SNX14: variants seen among roughly 807,000 people sequenced by gnomAD.
The protein encoded by SNX14 is sorting nexin 14.
In SNX14, 93 loss-of-function variants were observed where a neutral mutation model predicts 133.8. The ratio of observed to expected loss-of-function variants is 0.70; its 90% confidence interval spans 0.59 to 0.83. The LOEUF is 0.83. Among genes scored for constraint, SNX14 ranks in the 40% least tolerant of loss-of-function variants. The pLI is 0.00. For missense variants in SNX14, 945 were observed against 1,094.9 expected, an observed-to-expected ratio of 0.86 and a Z score of 1.93; for synonymous variants, 368 against 365.6, an observed-to-expected ratio of 1.01 and a Z score of -0.07.
At position 85,514,585 on chromosome 6, in the gene SNX14, A is replaced by G. The variant is rs1327907806; in HGVS notation, c.2313T>C (p.Asn771=). The G allele has an allele frequency of 6.2e-7, 1 of 1,613,092 alleles. No individual in the cohort carries two copies. Among genetic ancestry groups the G allele is most frequent in the East Asian group, 2.2e-5 (1 of 44,734 alleles). The change falls in exon 24 of 29, where the codon AAT becomes AAC. Residue 771 remains asparagine (N), a synonymous_variant. Transcript: ENST00000314673. ...LFKNNANRAE[N]TERKQNQNYF... is the part of the protein sequence containing the mutation. ...AATTCTGATTTTGCTTTCTCTCTGT[A>G]TTTTCAGCACGGTTTGCATTATTTT...
rs775110435 is a variant in SNX14, at chr6:85,518,016, T to C, written c.2140A>G (p.Met714Val). The C allele has an allele frequency of 2.7e-5, 43 of 1,605,030 alleles. No individual in the cohort carries two copies. The highest frequency in any genetic ancestry group is 3.5e-5 in the Non-Finnish European group (41 of 1,174,902). The change falls in exon 22 of 29, where the codon ATG (methionine) becomes GTG (valine). Residue 714 changes from methionine to valine, a missense_variant. Around this residue, in one of 3 missense-constraint regions of SNX14, gnomAD observed 412 missense variants for 516.6 expected, o/e 0.80. Transcript: ENST00000314673. Reference protein sequence around the residue: ...KIIKSVPGKLMKEKGQHLEPF... With the variant: ...KIIKSVPGKLVKEKGQHLEPF... ...ATAAATCAGTTACTCACCTCTTTCA[T>C]TAGTTTTCCAGGAACAGATTTTATA...
At chr6:85,515,182 G>T (rs983737496) in intron 23 of SNX14, among the ~76,000 whole-genome samples, 1 of 138,880 alleles carries the variant, frequency 7.2e-6, no homozygotes, top group Non-Finnish European at 1.5e-5. Flanking sequence ...CAGGAGAATA[G>T]TTTGAACCTG....
Position 85,507,965 on chromosome 6 carries a change from T to TA in SNX14, c.2745+2dup. 6.2e-7 allele frequency: 1 copy of TA among 1,612,606 alleles called. No homozygotes were observed. The highest frequency in any genetic ancestry group is 8.5e-7 in the Non-Finnish European group (1 of 1,179,076). The stretch of plus-strand genomic sequence containing the variant: ...TGAGTTTACGAGCTTTAATGAGCTT[T>TA]ACCTGCTTGTTGAGTACTGGTTGCT... On this transcript the variant is annotated splice_region_variant and intron_variant, in intron 27 of 28. Transcript: ENST00000314673.
chr6:85,556,364 A>G (rs1410567925), intron 7 of SNX14, among the ~76,000 whole-genome samples: 1 of 152,148 alleles, frequency 6.6e-6, no homozygotes, highest in East Asian at 1.9e-4. Context: ...AAGATGTTGA[A>G]ACCAGCCTGA....
chr6:85,519,111 T>C (rs551792268), intron 21 of SNX14, among the ~76,000 whole-genome samples: 63 of 152,290 alleles, frequency 4.1e-4, no homozygotes, highest in Middle Eastern at 3.4e-3. Flanking sequence ...CAATCAAACC[T>C]AGTCAGTAAC....
At chr6:85,550,344 C>T (rs1299156516) in intron 7 of SNX14, among the ~76,000 whole-genome samples, 4 of 152,134 alleles carry the variant, frequency 2.6e-5, no homozygotes, top group African/African-American at 9.7e-5. Flanking sequence ...TACGCCTCTA[C>T]AAGTTATATA....
At chr6:85,524,666 C>T (rs4707212) in intron 21 of SNX14, among the ~76,000 whole-genome samples, 70,263 of 151,698 alleles carry the variant, frequency 0.46, 17,685 homozygotes, top group Middle Eastern at 0.59. Flanking sequence ...CACCTGTAAT[C>T]CCAGCTACTT....
At chr6:85,572,791 T>C (rs1583036185) in intron 2 of SNX14, among the ~76,000 whole-genome samples, 1 of 151,990 alleles carries the variant, frequency 6.6e-6, no homozygotes, top group South Asian at 2.1e-4. Context: ...ACCCTGTCTC[T>C]ACAAAAAAAA....
chr6:85,586,315 G>A lies in SNX14; in HGVS notation c.140+7264C>T, dbSNP rs78500244. 2.0e-5 allele frequency among the ~76,000 whole-genome samples: 3 copies of A among 152,044 alleles called. No individual in the cohort carries two copies. In the East Asian group the frequency reaches 5.8e-4, roughly 29 times the overall value. On this transcript the variant is annotated intron_variant, in intron 1 of 28. Coordinates refer to ENST00000314673, the MANE Select transcript of SNX14 (RefSeq NM_153816.6). The stretch of plus-strand genomic sequence containing the variant: ...AGAATAAGCAACAGAGACTTAGCAT[G>A]GTATACAAAGCCTAAAATATTTACT...
At chr6:85,586,001 A>C (rs1039180471) in intron 1 of SNX14, among the ~76,000 whole-genome samples, 7 of 152,054 alleles carry the variant, frequency 4.6e-5, no homozygotes, top group African/African-American at 1.7e-4. Context: ...AAAAAAAAAA[A>C]AAAAAAACTA....
intron 2 of SNX14, among the ~76,000 whole-genome samples, chr6:85,573,179 C>A (rs556656167): frequency 8.6e-5 from 13 of 152,038 alleles, no homozygotes; most frequent in Non-Finnish European, 7.4e-5. Context: ...AATTATTAAG[C>A]CTTAAAGATA....
Position 85,505,928 on chromosome 6 carries a change from A to C in SNX14, c.*39T>G. 1 of 1,471,118 alleles carries C rather than the reference A, an allele frequency of 6.8e-7. No individual in the cohort carries two copies. The highest frequency in any genetic ancestry group is 9.5e-7 in the Non-Finnish European group (1 of 1,050,900). The allele number at this position is 1,471,118 out of a possible 1,614,324, so 91.1% of individuals were successfully genotyped here. ...TAAATTTCTACCACCCTCGCACAGCAGAAATTTCAATGGGTTATTCTATAC... is the reference window on the plus strand; with the variant it reads ...TAAATTTCTACCACCCTCGCACAGCCGAAATTTCAATGGGTTATTCTATAC... On this transcript the variant is annotated 3_prime_UTR_variant, in exon 29 of 29. Coordinates refer to ENST00000314673, the MANE Select transcript of SNX14 (RefSeq NM_153816.6).
chr6:85,553,009 A>G (rs7740830), intron 7 of SNX14, among the ~76,000 whole-genome samples: 12,543 of 152,236 alleles, frequency 0.082, 843 homozygotes, highest in East Asian at 0.22. Context: ...CTGACTTACA[A>G]TTTTACATGT....
intron 1 of SNX14, among the ~76,000 whole-genome samples, chr6:85,579,320 A>C (rs1798332761): frequency 6.6e-6 from 1 of 152,192 alleles, no homozygotes; most frequent in Non-Finnish European, 1.5e-5. Context: ...CAAAAAAAGT[A>C]AACAAAAGAA....
At chr6:85,573,439 C>T (rs1796312531) in intron 2 of SNX14, among the ~76,000 whole-genome samples, 1 of 152,060 alleles carries the variant, frequency 6.6e-6, no homozygotes, top group Non-Finnish European at 1.5e-5. Flanking sequence ...AAAATGGCGC[C>T]ACCGCACTCC....
chr6:85,531,155 C>T (rs1267664484), intron 18 of SNX14, among the ~76,000 whole-genome samples: 1 of 152,162 alleles, frequency 6.6e-6, no homozygotes, highest in African/African-American at 2.4e-5. Flanking sequence ...CTAGTGGCTA[C>T]TAAATTGGGC....
At position 85,528,314 on chromosome 6, in the gene SNX14, T is replaced by C. The variant is rs769263385; in HGVS notation, c.1943A>G (p.Lys648Arg). The C allele has an allele frequency of 1.9e-6, 3 of 1,613,372 alleles. No homozygotes were observed. Among genetic ancestry groups the C allele is most frequent in the Non-Finnish European group, 2.5e-6 (3 of 1,179,680 alleles). ...QLPSKRIIGP[K>R]NYEFLKSKRE... is the part of the protein sequence containing the mutation. ...CTTTGACTTTAAGAATTCATAATTT[T>C]TGGGGCCAATGATCCTCTTAGAAGG... Residue 648 changes from lysine (K) to arginine (R), a missense_variant, in exon 20 of 29, where the codon AAA (lysine) becomes AGA (arginine). Coordinates refer to ENST00000314673, the MANE Select transcript of SNX14 (RefSeq NM_153816.6).
chr6:85,531,802 G>C (rs1195157951), intron 18 of SNX14, among the ~76,000 whole-genome samples: 2 of 152,154 alleles, frequency 1.3e-5, no homozygotes, highest in South Asian at 2.1e-4. Flanking sequence ...AAGGCAGGAA[G>C]ACCGCTTTGA....
At position 85,536,836 on chromosome 6, in the gene SNX14, C is replaced by T; in HGVS notation, c.1564G>A (p.Ala522Thr). 5.0e-6 allele frequency: 8 copies of T among 1,613,340 alleles called. No homozygotes were observed. Among genetic ancestry groups the T allele is most frequent in the Middle Eastern group, 1.7e-4 (1 of 6,056 alleles). ...GCTACACCATAATTAGGCAACATAGCTCCCTCCATTGTGGTACTTTTGAAT... is the reference window on the plus strand; with the variant it reads ...GCTACACCATAATTAGGCAACATAGTTCCCTCCATTGTGGTACTTTTGAAT... Reference protein sequence around the residue: ...GVFKSTTMEGAMLPNYGVAEG... With the variant: ...GVFKSTTMEGTMLPNYGVAEG... The change falls in exon 17 of 29, where the codon GCT becomes ACT. Residue 522 changes from alanine (A) to threonine (T), a missense_variant. Around this residue, in one of 3 missense-constraint regions of SNX14, gnomAD observed 412 missense variants for 516.6 expected, o/e 0.80. Coordinates refer to ENST00000314673, the MANE Select transcript of SNX14 (RefSeq NM_153816.6).
Sources: allele counts gnomAD v4.1 joint callset (sites outside exome capture counted in the v4.1 genomes callset), GRCh38; gene constraint gnomAD v4.1.1; regional missense constraint gnomAD v4.1.1; transcripts MANE v1.5; gene names NCBI Gene and HGNC (gene_info 2026-07-23, HGNC 2026-07-21).